The following EYS variants were observed in gnomAD, a reference collection of about 807,000 sequenced individuals.
The protein encoded by EYS is EGF-like photoreceptor maintenance factor, also known as protein eyes shut homolog.
A neutral mutation model predicts 282.1 loss-of-function variants in EYS; 250 were observed. The observed-to-expected ratio is 0.89, with a 90% confidence interval of 0.80 to 0.98. The LOEUF is 0.98. Among genes scored for constraint, EYS ranks in the 50% least tolerant of loss-of-function variants. The pLI is 0.00. For missense variants in EYS, 4,016 were observed against 3,709.0 expected (o/e 1.08, Z -2.15); for synonymous variants, 1,355 against 1,282.9 (o/e 1.06, Z -1.20).
chr6:64,619,407 A>G (rs1257531911), intron 23 of EYS, among the ~76,000 whole-genome samples: 1 of 152,072 alleles, frequency 6.6e-6, no homozygotes, highest in Admixed American at 6.6e-5. Flanking sequence ...GATTTTTACA[A>G]TAGAGTAGAG....
intron 29 of EYS, among the ~76,000 whole-genome samples, chr6:64,342,882 C>CA (rs1194424459): frequency 2.0e-5 from 3 of 151,418 alleles, no homozygotes; most frequent in South Asian, 2.1e-4. Context: ...AAATGGAAAA[C>CA]AAAAAAAGGC....
chr6:64,315,945 A>G (rs532453598), intron 29 of EYS, among the ~76,000 whole-genome samples: 2 of 152,344 alleles, frequency 1.3e-5, no homozygotes, highest in Non-Finnish European at 2.9e-5. Flanking sequence ...TCCATCACAT[A>G]AACAGAACCA....
Position 64,593,105 on chromosome 6 carries a change from A to T in EYS, c.3877+12T>A, listed in dbSNP as rs1471068897. The T allele has an allele frequency of 2.7e-6, 4 of 1,486,756 alleles. No homozygotes were observed. Among genetic ancestry groups the T allele is most frequent in the Non-Finnish European group, 3.6e-6 (4 of 1,121,998 alleles). 92.1% of individuals were successfully genotyped at this position (1,486,756 alleles called of 1,614,324 possible). A position where few individuals can be genotyped will look rare whatever the true frequency, so the allele number is the denominator to read the frequency against. ...ACTCAAACTTCTTAATATCTTACCC[A>T]CTTCTACTTACCTTGATCAACTGGG... is the stretch of plus-strand genomic sequence containing the variant. On this transcript the variant is annotated intron_variant, in intron 25 of 42. Coordinates refer to ENST00000503581, the MANE Select transcript of EYS (RefSeq NM_001142800.2).
chr6:64,063,899 TG>T (rs1771271228), intron 33 of EYS, among the ~76,000 whole-genome samples: 1 of 152,244 alleles, frequency 6.6e-6, no homozygotes, highest in African/African-American at 2.4e-5. Flanking sequence ...CTAATTTTTT[TG>T]TATTTTTAGT....
At chr6:63,810,441 C>T (rs993511454) in intron 36 of EYS, among the ~76,000 whole-genome samples, 1 of 151,892 alleles carries the variant, frequency 6.6e-6, no homozygotes, top group Admixed American at 6.6e-5. Context: ...TTCAGAACAC[C>T]TTTCTTCAAC....
chr6:65,185,671 A>G (rs970445555), intron 12 of EYS, among the ~76,000 whole-genome samples: 11 of 151,782 alleles, frequency 7.2e-5, no homozygotes, highest in African/African-American at 2.7e-4. Context: ...TTATATTTCT[A>G]AGCTATGTGT....
chr6:64,590,583 A>G lies in EYS; in HGVS notation c.5284T>C (p.Ser1762Pro), dbSNP rs749598687. Residue 1762 changes from serine to proline, a missense_variant, in exon 26 of 43, where the codon TCA becomes CCA. Ser to Pro is a moderately conservative substitution (Grantham distance 74). Transcript: ENST00000503581. ...IYPDVTLKTY[S>P]EITHANDFKN... ...AAGTCATTTGCATGTGTAATTTCTG[A>G]ATATGTCTTTAAAGTAACATCCGGA... 8.4e-6 allele frequency: 13 copies of G among 1,551,250 alleles called. No individual in the cohort carries two copies. In the African/African-American group the frequency reaches 1.5e-4, roughly 18 times the overall value.
chr6:64,240,799 G>T lies in EYS; in HGVS notation c.6192-9975C>A, dbSNP rs1020315319. ...ACTTCCAATACTACGTTGAATAGGG[G>T]TGGTGAGAGAGGGCAGCCTTGTCTT... On this transcript the variant is annotated intron_variant, in intron 30 of 42. Coordinates refer to ENST00000503581, the MANE Select transcript of EYS (RefSeq NM_001142800.2). Among the ~76,000 whole-genome samples the T allele has an allele frequency of 5.9e-5, 9 of 152,174 alleles. No individual in the cohort carries two copies. The South Asian group carries it at 6.2e-4, about 11-fold the overall frequency.
rs35657029 is a variant in EYS at position 64,169,431 on chromosome 6, G to GT, written c.6424+61160dup. Among the ~76,000 whole-genome samples, 552 of 140,966 alleles carry GT rather than the reference G, an allele frequency of 3.9e-3. 21 individuals carry two copies. Among genetic ancestry groups the GT allele is most frequent in the African/African-American group, 0.012 (452 of 36,422 alleles). The allele number at this position is 140,966 out of a possible 152,430, so 92.5% of individuals were successfully genotyped here. On this transcript the variant is annotated intron_variant, in intron 31 of 42. Coordinates refer to ENST00000503581, the MANE Select transcript of EYS (RefSeq NM_001142800.2). ...ACATACTCAAACAATTTGAGGAGGA[G>GT]TTTTTTTTTTTTTTTTACAAAAAGG...
intron 22 of EYS, among the ~76,000 whole-genome samples, chr6:64,752,823 G>A (rs1772805778): frequency 6.6e-6 from 1 of 152,046 alleles, no homozygotes; most frequent in Non-Finnish European, 1.5e-5. Flanking sequence ...TGATACCTCA[G>A]AATACAGAGA....
intron 13 of EYS, among the ~76,000 whole-genome samples, chr6:65,022,972 G>A (rs912157946): frequency 1.3e-5 from 2 of 151,926 alleles, no homozygotes; most frequent in African/African-American, 4.8e-5. Flanking sequence ...TATATTACAT[G>A]TCCAGAATAG....
intron 26 of EYS, among the ~76,000 whole-genome samples, chr6:64,504,841 G>A (rs1004028965): frequency 1.3e-5 from 2 of 152,136 alleles, no homozygotes; most frequent in African/African-American, 4.8e-5. Context: ...AGGTTGAAAA[G>A]GATCTCTCAG....
Position 64,727,196 on chromosome 6 carries a change from CAT to C in EYS, c.3443+86180_3443+86181del, listed in dbSNP as rs1771785180. ...GATACGCTCTTTAGAAGAAGCCACT[CAT>C]AAGACTGAGGAATTAGACATATTAA... On this transcript the variant is annotated intron_variant, in intron 22 of 42. Transcript: ENST00000503581. 2.6e-5 allele frequency among the ~76,000 whole-genome samples: 4 copies of C among 152,146 alleles called. No homozygotes were observed. The South Asian group carries it at 8.3e-4, about 32-fold the overall frequency.
chr6:63,887,446 A>G (rs867228585), intron 35 of EYS, among the ~76,000 whole-genome samples: 18 of 151,210 alleles, frequency 1.2e-4, no homozygotes, highest in African/African-American at 4.4e-4. Flanking sequence ...TGCATTTCCA[A>G]CTGAGGTAAC....
At chr6:63,756,642 A>G (rs1314591528) in intron 41 of EYS, among the ~76,000 whole-genome samples, 1 of 152,092 alleles carries the variant, frequency 6.6e-6, no homozygotes, top group Non-Finnish European at 1.5e-5. Context: ...GCCCTCATAA[A>G]GTGAGTTAGG....
At chr6:63,819,134 C>G (rs907435372) in intron 36 of EYS, among the ~76,000 whole-genome samples, 1 of 152,174 alleles carries the variant, frequency 6.6e-6, no homozygotes, top group Non-Finnish European at 1.5e-5. Context: ...CTGCTGCATC[C>G]TAAGCACTTG....
In EYS at chr6:65,395,380, C is replaced by T. The variant is rs375838093; in HGVS notation, c.1184+7098G>A. 2.0e-4 allele frequency among the ~76,000 whole-genome samples: 31 copies of T among 152,258 alleles called. 1 individual carries two copies. The East Asian group carries it at 5.2e-3, about 26-fold the overall frequency. On this transcript the variant is annotated intron_variant, in intron 7 of 42. Transcript: ENST00000503581. ...GCCCAGCAATCTCAACCTTACTTTG[C>T]TATTTTTTTCCAACTTTATCGAAGC...
intron 12 of EYS, among the ~76,000 whole-genome samples, chr6:65,114,009 A>G (rs1048808499): frequency 1.3e-5 from 2 of 152,044 alleles, no homozygotes; most frequent in Admixed American, 6.6e-5. Context: ...TCTCCTACAT[A>G]GAACTGACCT....
intron 22 of EYS, among the ~76,000 whole-genome samples, chr6:64,801,795 G>T (rs966601283): frequency 1.3e-5 from 2 of 151,874 alleles, no homozygotes; most frequent in African/African-American, 2.4e-5. Context: ...GGCAAGCCAG[G>T]CTTCATGAGG....
Sources: gnomAD v4.1 joint callset for allele counts (sites outside exome capture counted in the v4.1 genomes callset) on GRCh38, gnomAD v4.1.1 for gene constraint, MANE v1.5 for transcripts, NCBI Gene and HGNC (gene_info 2026-07-23, HGNC 2026-07-21) for gene names.